MED14: variants seen among roughly 807,000 people sequenced by gnomAD.
MED14 encodes the protein mediator complex subunit 14.
Under a neutral mutation model 109.0 loss-of-function variants are expected in MED14, and 8 were observed. The observed-to-expected ratio is 0.07, with a 90% confidence interval of 0.04 to 0.13. The LOEUF (loss-of-function observed/expected upper bound fraction) is 0.13, where lower values mean the gene tolerates loss of function less well. Ranked by LOEUF, MED14 falls within the 10% of genes least tolerant of loss-of-function variation. The pLI is 1.00. For missense variants in MED14, 711 were observed against 1,142.4 expected (o/e 0.62, Z 5.44); for synonymous variants, 399 against 408.7 (o/e 0.98, Z 0.29).
intron 3 of MED14, among the ~76,000 whole-genome samples, chrX:40,724,389 TCTC>T (rs1378693630): frequency 1.8e-5 from 2 of 111,978 alleles, no homozygotes; most frequent in Non-Finnish European, 3.8e-5. Context: ...TACACATTCT[TCTC>T]CTCAGCACAC....
At chrX:40,654,301 G>A in intron 30 of MED14, 63 bp downstream of exon 30, 2 of 1,014,106 alleles carry the variant, frequency 2.0e-6, no homozygotes, top group South Asian at 2.1e-5. Flanking sequence ...AGGAGAAAGG[G>A]GTGTCTCTCA....
At chrX:40,689,510 A>G (rs1398805815) in intron 15 of MED14, among the ~76,000 whole-genome samples, 1 of 110,906 alleles carries the variant, frequency 9.0e-6, no homozygotes, top group African/African-American at 3.3e-5. Context: ...CCTAGCCAAC[A>G]TGGTAAAACC....
chrX:40,659,702 T>A (rs1204590824), intron 26 of MED14, 95 bp from the exon 27 acceptor site: 17 of 863,526 alleles, frequency 2.0e-5, no homozygotes, highest in Non-Finnish European at 2.2e-5. Context: ...ACTAAGTTGA[T>A]ACCTATTCCA....
intron 3 of MED14, among the ~76,000 whole-genome samples, chrX:40,724,946 C>T (rs886589839): frequency 9.0e-6 from 1 of 110,558 alleles, no homozygotes; most frequent in Non-Finnish European, 1.9e-5. Context: ...GGGAGAAGAC[C>T]CAAATGAATA....
intron 16 of MED14, among the ~76,000 whole-genome samples, chrX:40,683,992 A>C (rs1230205083): frequency 8.9e-6 from 1 of 112,145 alleles, no homozygotes; most frequent in East Asian, 2.8e-4. Context: ...CAGTGAGATG[A>C]AATAATGAGA....
intron 18 of MED14, 70 bp from the exon 19 acceptor site, chrX:40,682,013 CAG>C: frequency 3.9e-6 from 2 of 514,500 alleles, no homozygotes; most frequent in Non-Finnish European, 6.0e-6. Flanking sequence ...ATTTGAGTAA[CAG>C]GGCATTTTGG....
upstream of MED14, chrX:40,735,852 C>A: frequency 3.3e-6 from 1 of 301,595 alleles, no homozygotes; most frequent in Non-Finnish European, 6.4e-6. Flanking sequence ...GGGAGTGAGG[C>A]GGTACCTGTG....
chrX:40,697,871 G>A (rs144882376), intron 12 of MED14, among the ~76,000 whole-genome samples: 1,944 of 111,995 alleles, frequency 0.017, 16 homozygotes, highest in Middle Eastern at 0.065. Context: ...CAGGTTGGGT[G>A]CTGATACATT....
chrX:40,731,102 C>G (rs768897166), intron 1 of MED14, among the ~76,000 whole-genome samples: 4 of 106,412 alleles, frequency 3.8e-5, no homozygotes, highest in South Asian at 4.2e-4. Context: ...GATTGTGCCA[C>G]TGCATTCCAG....
chrX:40,684,920 G>T (rs1290432860), intron 16 of MED14, among the ~76,000 whole-genome samples: 1 of 111,330 alleles, frequency 9.0e-6, no homozygotes, highest in Non-Finnish European at 1.9e-5. Flanking sequence ...TCGTAAAATA[G>T]TTACTTGCTT....
intron 22 of MED14, among the ~76,000 whole-genome samples, chrX:40,673,553 G>A (rs1929801472): frequency 8.9e-6 from 1 of 111,756 alleles, no homozygotes; most frequent in South Asian, 3.7e-4. Flanking sequence ...AACTAGCGCT[G>A]CAGGCTCTCA....
At chrX:40,718,747 G>A (rs1931623946) in intron 3 of MED14, among the ~76,000 whole-genome samples, 1 of 111,345 alleles carries the variant, frequency 9.0e-6, no homozygotes, top group African/African-American at 3.3e-5. Flanking sequence ...GCTGAGGTGG[G>A]AGGGCTGCTT....
intron 12 of MED14, among the ~76,000 whole-genome samples, chrX:40,698,935 C>T (rs780223136): frequency 9.8e-5 from 11 of 112,225 alleles, no homozygotes; most frequent in Non-Finnish European, 2.1e-4. Context: ...GAAAAGAAAA[C>T]ATAAGTCCAC....
At position 40,648,794 on chromosome X, in the gene MED14, C is replaced by T. The variant is rs1228920378; in HGVS notation, c.*3012G>A. 8.9e-6 allele frequency: 1 copy of T among 112,184 alleles called. No individual in the cohort carries two copies. The highest frequency in any genetic ancestry group is 9.4e-5 in the Admixed American group (1 of 10,587). 9.2% of individuals were successfully genotyped at this position (112,184 alleles called of 1,213,427 possible). The stretch of plus-strand genomic sequence containing the variant: ...AAATTGTGAGCATACCATGGAGTTC[C>T]TGGAGTTGTGCAGCACAGTGCTGGC... On this transcript the variant is annotated 3_prime_UTR_variant, in exon 31 of 31. Coordinates refer to ENST00000324817, the MANE Select transcript of MED14 (RefSeq NM_004229.4).
intron 12 of MED14, among the ~76,000 whole-genome samples, chrX:40,700,903 A>G (rs995787163): frequency 3.1e-4 from 35 of 111,868 alleles, no homozygotes; most frequent in Admixed American, 2.7e-3. Flanking sequence ...AAGTGCTTGT[A>G]TAGAAGAAAA....
At chrX:40,711,405 A>G in intron 7 of MED14, 104 bp from the exon 8 acceptor site, 1 of 615,026 alleles carries the variant, frequency 1.6e-6, no homozygotes. Context: ...CCTGGAGAAA[A>G]ATTTCTGAAG....
intron 22 of MED14, among the ~76,000 whole-genome samples, chrX:40,673,477 A>G (rs773107979): frequency 2.0e-4 from 22 of 111,957 alleles, no homozygotes; most frequent in Non-Finnish European, 3.9e-4. Context: ...CTACTTAGAA[A>G]TCTCATGTTC....
rs941970590 is a variant in MED14 at position 40,649,330 on chromosome X, G to A, written c.*2476C>T. 1 of 140,447 alleles carries A rather than the reference G, an allele frequency of 7.1e-6. No individual in the cohort carries two copies. The highest frequency in any genetic ancestry group is 1.6e-4 in the South Asian group (1 of 6,402). 11.6% of individuals were successfully genotyped at this position (140,447 alleles called of 1,213,427 possible). A position where few individuals can be genotyped will look rare whatever the true frequency, so the allele number is the denominator to read the frequency against. On this transcript the variant is annotated 3_prime_UTR_variant, in exon 31 of 31. Coordinates refer to ENST00000324817, the MANE Select transcript of MED14 (RefSeq NM_004229.4). ...CAGTTAATTTTCAAACATAAGGTTC[G>A]ACTCCTGTTATTAGCGACTTGACAC...
chrX:40,717,444 G>C (rs990788368), intron 3 of MED14, among the ~76,000 whole-genome samples: 1 of 111,499 alleles, frequency 9.0e-6, no homozygotes, highest in Middle Eastern at 4.6e-3. Flanking sequence ...ACCTAAACTA[G>C]TAGAGCTCAT....
Sources: gnomAD v4.1 joint callset for allele counts (sites outside exome capture counted in the v4.1 genomes callset) on GRCh38, gnomAD v4.1.1 for gene constraint, MANE v1.5 for transcripts, NCBI Gene and HGNC (gene_info 2026-07-23, HGNC 2026-07-21) for gene names.